Variants in NAA15 observed in about 807,000 individuals in gnomAD.
NAA15 encodes the protein N-terminal acetyltransferase.
A neutral mutation model predicts 114.0 loss-of-function variants in NAA15; 34 were observed. The observed-to-expected ratio is 0.30, with a 90% confidence interval of 0.23 to 0.40. The LOEUF (loss-of-function observed/expected upper bound fraction) is 0.40. NAA15 is among the 10% of genes least tolerant of loss of function. The probability of loss-of-function intolerance (pLI) is 1.00; values close to 1 mark genes in which losing one functional copy is unlikely to be tolerated. For synonymous variants in NAA15, 340 were observed against 338.0 expected, an observed-to-expected ratio of 1.01 and a Z score of -0.06; for missense variants, 658 against 1,004.5, an observed-to-expected ratio of 0.66 and a Z score of 4.66.
At chr4:139,313,544 CTT>C (rs36015550) in intron 1 of NAA15, among the ~76,000 whole-genome samples, 27 of 142,542 alleles carry the variant, frequency 1.9e-4, no homozygotes, top group Non-Finnish European at 1.7e-4. Context: ...ATATTTCTTT[CTT>C]TTTTTTTTTT....
chr4:139,307,722 C>CA (rs1435692361), intron 1 of NAA15, among the ~76,000 whole-genome samples: 1 of 152,170 alleles, frequency 6.6e-6, no homozygotes, highest in East Asian at 1.9e-4. Flanking sequence ...TCTTAATTCT[C>CA]AAAACTTTTC....
chr4:139,385,283 A>AAAAT, intron 18 of NAA15, among the ~76,000 whole-genome samples: 1 of 100,490 alleles, frequency 1.0e-5, no homozygotes, highest in African/African-American at 3.7e-5. Context: ...ATATATATAT[A>AAAAT]ATATATATAT....
At chr4:139,327,905 TC>T (rs1359805499) in intron 1 of NAA15, among the ~76,000 whole-genome samples, 2 of 152,174 alleles carry the variant, frequency 1.3e-5, no homozygotes, top group Non-Finnish European at 2.9e-5. Context: ...CCTCAGGTGA[TC>T]CACCCGTCTC....
chr4:139,323,053 C>CTTTT (rs67137305), intron 1 of NAA15, among the ~76,000 whole-genome samples: 3 of 117,480 alleles, frequency 2.6e-5, no homozygotes, highest in African/African-American at 6.5e-5. Flanking sequence ...CTTTTCTTTT[C>CTTTT]TTTTTTTTTT....
At chr4:139,327,032 C>T (rs1746825326) in intron 1 of NAA15, among the ~76,000 whole-genome samples, 1 of 151,944 alleles carries the variant, frequency 6.6e-6, no homozygotes, top group Non-Finnish European at 1.5e-5. Context: ...ACCTCCTAGG[C>T]TCAAGGAATC....
At chr4:139,329,983 TCA>T (rs1746947649) in intron 1 of NAA15, among the ~76,000 whole-genome samples, 1 of 152,194 alleles carries the variant, frequency 6.6e-6, no homozygotes, top group Non-Finnish European at 1.5e-5. Context: ...TTCTCATGGT[TCA>T]CAGTCTTGCG....
chr4:139,359,900 G>A lies in NAA15; in HGVS notation c.1410+5G>A, dbSNP rs761336394. 1 of 1,577,296 alleles carries A rather than the reference G, an allele frequency of 6.3e-7. No individual in the cohort carries two copies. Among genetic ancestry groups the A allele is most frequent in the Non-Finnish European group, 8.5e-7 (1 of 1,170,278 alleles). On this transcript the variant is annotated splice_donor_5th_base_variant and intron_variant, in intron 12 of 19. Transcript: ENST00000296543. ...ATGTGCTCAAAGTTTACAAGGGTTT[G>A]TACAGCTAGTGTTCTTAATTATGAA...
intron 1 of NAA15, among the ~76,000 whole-genome samples, chr4:139,317,443 G>GA (rs1482386195): frequency 3.9e-5 from 6 of 152,144 alleles, no homozygotes; most frequent in Admixed American, 6.6e-5. Flanking sequence ...CCAACATGGT[G>GA]AAACCCGTCT....
At chr4:139,333,433 C>T (rs955684415) in intron 1 of NAA15, among the ~76,000 whole-genome samples, 1 of 148,222 alleles carries the variant, frequency 6.7e-6, no homozygotes, top group Non-Finnish European at 1.5e-5. Flanking sequence ...TTTTAAGGAC[C>T]TTTTTTTTTT....
At chr4:139,344,413 CT>C (rs1747512293) in intron 6 of NAA15, 74 bp downstream of exon 6, 1 of 1,224,478 alleles carries the variant, frequency 8.2e-7, no homozygotes. Context: ...CTAGTTGCTG[CT>C]GACAGTTTCA....
intron 12 of NAA15, among the ~76,000 whole-genome samples, chr4:139,360,259 TCA>T (rs1748090513): frequency 6.6e-6 from 1 of 152,176 alleles, no homozygotes; most frequent in Non-Finnish European, 1.5e-5. Context: ...TTTCAAAGTT[TCA>T]CAGTGTTGAA....
At chr4:139,314,723 G>C (rs1201771184) in intron 1 of NAA15, among the ~76,000 whole-genome samples, 1 of 151,892 alleles carries the variant, frequency 6.6e-6, no homozygotes, top group African/African-American at 2.4e-5. Context: ...CTGTTACCAG[G>C]CTGGAGTGCA....
At chr4:139,305,662 G>GGA (rs1156496178) in intron 1 of NAA15, among the ~76,000 whole-genome samples, 1 of 151,784 alleles carries the variant, frequency 6.6e-6, no homozygotes, top group Admixed American at 6.6e-5. Flanking sequence ...AGCGTCCTGA[G>GGA]TAGCTGGGAT....
intron 11 of NAA15, among the ~76,000 whole-genome samples, 179 bp downstream of exon 11, chr4:139,357,734 T>C (rs191430987): frequency 2.8e-4 from 42 of 152,352 alleles, no homozygotes; most frequent in African/African-American, 8.9e-4. Context: ...CATGCTAATT[T>C]GGTGATTTAT....
intron 15 of NAA15, among the ~76,000 whole-genome samples, chr4:139,373,393 C>G (rs896378606): frequency 1.3e-5 from 2 of 152,126 alleles, no homozygotes; most frequent in African/African-American, 4.8e-5. Context: ...GCATTCTAAT[C>G]TTATGGGACC....
chr4:139,361,939 T>G lies in NAA15; in HGVS notation c.1753+2T>G. 6.3e-7 allele frequency: 1 copy of G among 1,594,778 alleles called. No homozygotes were observed. The highest frequency in any genetic ancestry group is 8.6e-7 in the Non-Finnish European group (1 of 1,169,438). On this transcript the variant is annotated splice_donor_variant, in intron 14 of 19. Transcript: ENST00000296543. LOFTEE classifies it high-confidence loss of function. ...ATAAAGAACACGAAGCTGATACAGGTATAATATTCAGAGTTCTTCTTGTGC... is the reference window on the plus strand; with the variant it reads ...ATAAAGAACACGAAGCTGATACAGGGATAATATTCAGAGTTCTTCTTGTGC...
intron 14 of NAA15, among the ~76,000 whole-genome samples, chr4:139,367,615 A>G (rs1283785440): frequency 2.6e-5 from 4 of 152,132 alleles, no homozygotes; most frequent in Non-Finnish European, 4.4e-5. Context: ...ATACTCTTAA[A>G]TTTTTTAGAG....
chr4:139,340,417 G>A (rs576433484), intron 3 of NAA15, among the ~76,000 whole-genome samples: 33 of 152,104 alleles, frequency 2.2e-4, no homozygotes, highest in African/African-American at 6.7e-4. Flanking sequence ...TTACACTAAG[G>A]GTTGTCCTAA....
In NAA15 at chr4:139,355,375, C is replaced by G. The variant is rs537413293; in HGVS notation, c.1087+1277C>G. On this transcript the variant is annotated intron_variant, in intron 10 of 19. Transcript: ENST00000296543. ...TTTGGGTTTCTGTCCTATCCCTTTT[C>G]CTGCAATTTATTTGTTGAAGAAATT... 3.1e-4 allele frequency among the ~76,000 whole-genome samples: 47 copies of G among 151,928 alleles called. 1 individual carries two copies. The highest frequency in any genetic ancestry group is 1.0e-3 in the African/African-American group (43 of 41,446).
Sources: gnomAD v4.1 joint callset for allele counts (sites outside exome capture counted in the v4.1 genomes callset) on GRCh38, gnomAD v4.1.1 for gene constraint, MANE v1.5 for transcripts, NCBI Gene and HGNC (gene_info 2026-07-23, HGNC 2026-07-21) for gene names.